ASTN2: variants seen among roughly 807,000 people sequenced by gnomAD.
ASTN2 encodes astrotactin 2.
A neutral mutation model predicts 139.8 loss-of-function variants in ASTN2; 54 were observed. The observed-to-expected ratio is 0.39, with a 90% CI of 0.31 to 0.48. The LOEUF is 0.48. Among genes scored for constraint, ASTN2 ranks in the 20% least tolerant of loss-of-function variants. ASTN2 has a pLI of 0.95. For missense variants in ASTN2, 1,565 were observed against 1,725.1 expected (o/e 0.91, Z 1.64); for synonymous variants, 756 against 719.5 (o/e 1.05, Z -0.81).
At position 116,913,057 on chromosome 9, in the gene ASTN2, C is replaced by T. The variant is rs541667719; in HGVS notation, c.1890-49324G>A. Among the ~76,000 whole-genome samples the T allele has an allele frequency of 9.7e-4, 148 of 152,200 alleles. 2 individuals are homozygous for T. The highest frequency in any genetic ancestry group is 3.4e-3 in the African/African-American group (142 of 41,522). On this transcript the variant is annotated intron_variant, in intron 10 of 22. Coordinates refer to ENST00000313400, the MANE Select transcript of ASTN2 (RefSeq NM_001365068.1). The stretch of plus-strand genomic sequence containing the variant: ...TAGCTGGGACTCCTGGCATGTGCCA[C>T]GACACATGGCTAATTTTTGCATCTT...
chr9:116,711,212 C>T (rs750917819), intron 16 of ASTN2, among the ~76,000 whole-genome samples: 2 of 152,218 alleles, frequency 1.3e-5, no homozygotes, highest in South Asian at 2.1e-4. Context: ...TATTTATTCT[C>T]CTCAATGAAA....
intron 20 of ASTN2, among the ~76,000 whole-genome samples, chr9:116,466,776 TA>T (rs982179439): frequency 2.0e-5 from 3 of 152,326 alleles, no homozygotes; most frequent in Admixed American, 6.5e-5. Context: ...TGCCTGGTGC[TA>T]AAAACTTCCT....
chr9:116,803,549 G>T, intron 13 of ASTN2, among the ~76,000 whole-genome samples: 1 of 114,568 alleles, frequency 8.7e-6, no homozygotes, highest in Non-Finnish European at 1.9e-5. Flanking sequence ...TTTTTAGACG[G>T]AGTCTCACTC....
At chr9:117,099,974 A>T (rs952935775) in intron 4 of ASTN2, among the ~76,000 whole-genome samples, 1 of 152,220 alleles carries the variant, frequency 6.6e-6, no homozygotes, top group Non-Finnish European at 1.5e-5. Context: ...ACAACCAGGG[A>T]AAGTGTGTGT....
chr9:116,527,832 C>G (rs555731528), intron 19 of ASTN2, among the ~76,000 whole-genome samples: 1 of 152,208 alleles, frequency 6.6e-6, no homozygotes, highest in Non-Finnish European at 1.5e-5. Context: ...TCCCACCCCC[C>G]TCACTCTCCC....
chr9:117,130,553 G>C (rs1375339092), intron 4 of ASTN2, among the ~76,000 whole-genome samples: 2 of 152,012 alleles, frequency 1.3e-5, no homozygotes, highest in African/African-American at 4.8e-5. Context: ...CATTCCTTAA[G>C]CCCGGGGGGC....
rs561469504 is a variant in ASTN2 at position 117,340,883 on chromosome 9, C to T, written c.443-49370G>A. On this transcript the variant is annotated intron_variant, in intron 1 of 22. Transcript: ENST00000313400. The stretch of plus-strand genomic sequence containing the variant: ...TCCCTCTAGGCTTCAGTGTGCCCAT[C>T]AGCAACATGGCCAGGCAGGACCACT... Among the ~76,000 whole-genome samples, 18 of 152,250 alleles carry T rather than the reference C, an allele frequency of 1.2e-4. No homozygotes were observed. In the South Asian group the frequency reaches 3.3e-3, roughly 28 times the overall value.
intron 1 of ASTN2, among the ~76,000 whole-genome samples, chr9:117,366,204 C>T (rs1416220649): frequency 6.6e-6 from 1 of 152,114 alleles, no homozygotes; most frequent in Non-Finnish European, 1.5e-5. Context: ...AGCCAGTCAG[C>T]TCAGTAGATG....
chr9:117,119,610 C>G (rs921459163), intron 4 of ASTN2, among the ~76,000 whole-genome samples: 3 of 152,186 alleles, frequency 2.0e-5, no homozygotes, highest in African/African-American at 7.2e-5. Flanking sequence ...AGATTTGAGT[C>G]CAACTTCTTC....
intron 11 of ASTN2, among the ~76,000 whole-genome samples, chr9:116,843,379 C>T (rs1006356735): frequency 5.3e-5 from 8 of 152,028 alleles, no homozygotes; most frequent in Non-Finnish European, 8.8e-5. Flanking sequence ...GGAGCTAGGA[C>T]GGGCGTGGTG....
chr9:116,687,164 G>A, intron 16 of ASTN2: 1 of 1,068,256 alleles, frequency 9.4e-7, no homozygotes. Flanking sequence ...AAGGCCCCGG[G>A]TTCTCAGAGG....
At chr9:117,214,327 T>G in intron 3 of ASTN2, 31 bp downstream of exon 3, 1 of 1,534,644 alleles carries the variant, frequency 6.5e-7, no homozygotes, top group Non-Finnish European at 8.9e-7. Flanking sequence ...AAATGCCCCC[T>G]GGAAAATGGG....
At chr9:116,777,684 G>A (rs1230814817) in intron 13 of ASTN2, among the ~76,000 whole-genome samples, 1 of 152,132 alleles carries the variant, frequency 6.6e-6, no homozygotes, top group African/African-American at 2.4e-5. Flanking sequence ...AGGTGATGCT[G>A]ATGTTCCAAT....
chr9:116,857,976 C>T (rs1412004209), intron 11 of ASTN2, among the ~76,000 whole-genome samples: 1 of 152,136 alleles, frequency 6.6e-6, no homozygotes, highest in Non-Finnish European at 1.5e-5. Context: ...TTGGTAAGCC[C>T]AGGTTCCATG....
chr9:117,161,384 G>T (rs1349018226), intron 3 of ASTN2, among the ~76,000 whole-genome samples: 1 of 151,906 alleles, frequency 6.6e-6, no homozygotes, highest in African/African-American at 2.4e-5. Context: ...TGAAAGAAAA[G>T]GCGTTTTTTT....
chr9:116,730,170 A>T (rs1203279259), intron 14 of ASTN2, among the ~76,000 whole-genome samples: 3 of 152,194 alleles, frequency 2.0e-5, no homozygotes, highest in Non-Finnish European at 4.4e-5. Context: ...TTATGTATCC[A>T]CACTTTCTTG....
chr9:117,316,588 A>G (rs1037238875), intron 1 of ASTN2, among the ~76,000 whole-genome samples: 2 of 152,126 alleles, frequency 1.3e-5, no homozygotes, highest in Non-Finnish European at 2.9e-5. Flanking sequence ...CCCTAGAGGA[A>G]TGTGGGAAGA....
At chr9:117,095,951 G>A in intron 5 of ASTN2, 93 bp downstream of exon 5, 1 of 1,201,430 alleles carries the variant, frequency 8.3e-7, no homozygotes, top group South Asian at 1.3e-5. Flanking sequence ...CCAGGTTAGA[G>A]AAGATTTAGG....
chr9:116,662,378 G>C (rs1858613834), intron 16 of ASTN2, among the ~76,000 whole-genome samples: 1 of 152,096 alleles, frequency 6.6e-6, no homozygotes, highest in Non-Finnish European at 1.5e-5. Context: ...TTCAAGACCA[G>C]CCTGGCCAAT....
Sources: allele counts gnomAD v4.1 joint callset (sites outside exome capture counted in the v4.1 genomes callset), GRCh38; gene constraint gnomAD v4.1.1; transcripts MANE v1.5; gene names NCBI Gene and HGNC (gene_info 2026-07-23, HGNC 2026-07-21).